The following RTN1 variants were observed in gnomAD, a reference collection of about 807,000 sequenced individuals.
The protein encoded by RTN1 is reticulon-1.
Under a neutral mutation model 65.5 loss-of-function variants are expected in RTN1, and 25 were observed. The observed-to-expected ratio is 0.38, with a 90% CI of 0.28 to 0.53. RTN1 has a LOEUF of 0.53. Among genes scored for constraint, RTN1 ranks in the 20% least tolerant of loss-of-function variants. The pLI is 0.79. For missense variants in RTN1, 983 were observed against 1,025.4 expected (o/e 0.96, Z 0.57); for synonymous variants, 471 against 447.6 (o/e 1.05, Z -0.66).
intron 3 of RTN1, among the ~76,000 whole-genome samples, chr14:59,710,114 C>T (rs1028941542): frequency 1.3e-5 from 2 of 149,948 alleles, no homozygotes; most frequent in Admixed American, 6.6e-5. Context: ...ACGATCTCAG[C>T]TCACTGAAGC....
At chr14:59,712,570 C>A (rs1884445826) in intron 3 of RTN1, among the ~76,000 whole-genome samples, 1 of 152,166 alleles carries the variant, frequency 6.6e-6, no homozygotes, top group African/African-American at 2.4e-5. Flanking sequence ...AGAAAACTTG[C>A]AAACTTACTA....
At chr14:59,690,305 G>T (rs186058649) in intron 3 of RTN1, among the ~76,000 whole-genome samples, 1 of 137,660 alleles carries the variant, frequency 7.3e-6, no homozygotes, top group African/African-American at 3.3e-5. Context: ...GAGCGGAGGT[G>T]GGGGGGGGTC....
chr14:59,714,687 C>T (rs1444408182), intron 3 of RTN1, among the ~76,000 whole-genome samples: 2 of 152,172 alleles, frequency 1.3e-5, no homozygotes, highest in African/African-American at 4.8e-5. Flanking sequence ...GAGCCACTTC[C>T]CAAGAAGGAC....
chr14:59,639,814 T>C (rs1207983675), intron 3 of RTN1, among the ~76,000 whole-genome samples: 1 of 152,216 alleles, frequency 6.6e-6, no homozygotes, highest in Non-Finnish European at 1.5e-5. Flanking sequence ...ATTTTTTTAA[T>C]ATAAAAATTA....
chr14:59,607,742 T>C (rs1881809946), intron 3 of RTN1: 1 of 500,688 alleles, frequency 2.0e-6, no homozygotes, highest in African/African-American at 1.9e-5. Context: ...GAATCTCCAT[T>C]GACCATATCG....
rs74490865 is a variant in RTN1, at chr14:59,729,326, G to A, written c.1016-1658C>T. On this transcript the variant is annotated intron_variant, in intron 2 of 8. Coordinates refer to ENST00000267484, the MANE Select transcript of RTN1 (RefSeq NM_021136.3). ...ATCTCATGGGGCTTTTATTCTGAGT[G>A]AGATTAGAAGACATTGGAGGGCTTT... Among the ~76,000 whole-genome samples, 341 of 152,298 alleles carry A rather than the reference G, an allele frequency of 2.2e-3. 8 individuals carry two copies. The East Asian group carries it at 0.036, about 16-fold the overall frequency.
intron 3 of RTN1, among the ~76,000 whole-genome samples, chr14:59,627,615 G>C (rs1882434282): frequency 6.6e-6 from 1 of 152,184 alleles, no homozygotes; most frequent in Admixed American, 6.5e-5. Flanking sequence ...TTTGGTGGTA[G>C]TATAACTTTT....
intron 3 of RTN1, among the ~76,000 whole-genome samples, chr14:59,726,019 C>A (rs1462542217): frequency 6.6e-6 from 1 of 152,170 alleles, no homozygotes; most frequent in Non-Finnish European, 1.5e-5. Flanking sequence ...TGAGTGTTCT[C>A]TCCCCAGGAA....
At chr14:59,791,420 T>C (rs1886346795) in intron 1 of RTN1, among the ~76,000 whole-genome samples, 1 of 152,204 alleles carries the variant, frequency 6.6e-6, no homozygotes, top group South Asian at 2.1e-4. Flanking sequence ...GGCAGAGACC[T>C]GCATGCTGCT....
intron 3 of RTN1, among the ~76,000 whole-genome samples, chr14:59,662,407 G>A (rs1428772590): frequency 4.7e-5 from 7 of 148,984 alleles, no homozygotes; most frequent in Admixed American, 1.4e-4. Context: ...GAGAACATGC[G>A]GTGTTTGTTT....
intron 2 of RTN1, among the ~76,000 whole-genome samples, chr14:59,739,429 T>C (rs1885069952): frequency 6.6e-6 from 1 of 151,934 alleles, no homozygotes; most frequent in Non-Finnish European, 1.5e-5. Context: ...TAATCCCAGC[T>C]ACTCAGGAGG....
chr14:59,752,279 T>C (rs1313670341), intron 1 of RTN1, among the ~76,000 whole-genome samples: 2 of 152,118 alleles, frequency 1.3e-5, no homozygotes, highest in African/African-American at 2.4e-5. Context: ...GCCAGTGGAT[T>C]TAGTGTCTGG....
At chr14:59,634,968 C>A (rs1882631549) in intron 3 of RTN1, among the ~76,000 whole-genome samples, 2 of 152,112 alleles carry the variant, frequency 1.3e-5, no homozygotes, top group African/African-American at 4.8e-5. Flanking sequence ...GAGGGAGACA[C>A]TGAAGGGTTT....
intron 1 of RTN1, among the ~76,000 whole-genome samples, chr14:59,823,275 C>CT (rs994311550): frequency 2.0e-4 from 29 of 148,614 alleles, no homozygotes; most frequent in African/African-American, 2.5e-4. Flanking sequence ...TCCTTGTCCC[C>CT]TTTTTTTTTT....
At chr14:59,705,007 G>A (rs965709303) in intron 3 of RTN1, among the ~76,000 whole-genome samples, 17 of 152,124 alleles carry the variant, frequency 1.1e-4, no homozygotes, top group African/African-American at 1.4e-4. Context: ...GTGCTCAACT[G>A]GATAAAAAGT....
chr14:59,736,643 T>C (rs762058596), intron 2 of RTN1, among the ~76,000 whole-genome samples: 1 of 151,968 alleles, frequency 6.6e-6, no homozygotes, highest in Non-Finnish European at 1.5e-5. Flanking sequence ...TCCAGAAAAA[T>C]TGAAAAGGAG....
At chr14:59,625,797 T>C (rs1882380652) in intron 3 of RTN1, among the ~76,000 whole-genome samples, 5 of 152,194 alleles carry the variant, frequency 3.3e-5, no homozygotes, top group Admixed American at 3.3e-4. Context: ...TTCGAAATAT[T>C]TCCTTAAAAA....
At chr14:59,647,198 A>T (rs1366792966) in intron 3 of RTN1, among the ~76,000 whole-genome samples, 1 of 152,158 alleles carries the variant, frequency 6.6e-6, no homozygotes, top group South Asian at 2.1e-4. Flanking sequence ...AAAATCAAAA[A>T]AGACAAGAGC....
At chr14:59,850,859 G>C (rs2139662856) in intron 1 of RTN1, among the ~76,000 whole-genome samples, 1 of 152,218 alleles carries the variant, frequency 6.6e-6, no homozygotes, top group South Asian at 2.1e-4. Context: ...AAAGGGGGTG[G>C]GATCATGGGT....
Sources: gnomAD v4.1 joint callset for allele counts (sites outside exome capture counted in the v4.1 genomes callset) on GRCh38, gnomAD v4.1.1 for gene constraint, MANE v1.5 for transcripts, NCBI Gene and HGNC (gene_info 2026-07-23, HGNC 2026-07-21) for gene names.